The following ATG7 variants were observed in gnomAD, a reference collection of about 807,000 sequenced individuals.
The protein encoded by ATG7 is ubiquitin-like modifier-activating enzyme ATG7.
Under a neutral mutation model 82.4 loss-of-function variants are expected in ATG7, and 70 were observed. The ratio of observed to expected loss-of-function variants is 0.85; its 90% confidence interval spans 0.70 to 1.04. The LOEUF is 1.04. Among genes scored for constraint, ATG7 ranks in the 50% least tolerant of loss-of-function variants. ATG7 has a pLI of 0.00. For missense variants in ATG7, 792 were observed against 864.3 expected (o/e 0.92, Z 1.05); for synonymous variants, 287 against 313.0 (o/e 0.92, Z 0.88).
intron 5 of ATG7, among the ~76,000 whole-genome samples, chr3:11,302,872 A>T (rs565456732): frequency 6.6e-6 from 1 of 152,322 alleles, no homozygotes; most frequent in African/African-American, 2.4e-5. Context: ...GTATTAGATG[A>T]ATTGTCAGTC....
chr3:11,467,359 A>G (rs139815563), intron 20 of ATG7, among the ~76,000 whole-genome samples: 1 of 152,130 alleles, frequency 6.6e-6, no homozygotes, highest in Non-Finnish European at 1.5e-5. Flanking sequence ...ATAAAATATT[A>G]CCTCAACCGT....
intron 9 of ATG7, among the ~76,000 whole-genome samples, chr3:11,323,007 G>T (rs115345324): frequency 6.6e-6 from 1 of 152,322 alleles, no homozygotes; most frequent in African/African-American, 2.4e-5. Flanking sequence ...GCTGAGGCAG[G>T]AAGATTCCTT....
At chr3:11,350,497 G>A (rs907266982) in intron 14 of ATG7, among the ~76,000 whole-genome samples, 1 of 152,166 alleles carries the variant, frequency 6.6e-6, no homozygotes, top group Non-Finnish European at 1.5e-5. Flanking sequence ...TCCATTGTAT[G>A]TGTTATTTTC....
chr3:11,445,675 T>TA (rs1313482434), intron 20 of ATG7, among the ~76,000 whole-genome samples: 1 of 152,158 alleles, frequency 6.6e-6, no homozygotes, highest in Non-Finnish European at 1.5e-5. Flanking sequence ...CCCCTGAACT[T>TA]ACAAGTTTCA....
intron 8 of ATG7, 66 bp from the exon 9 acceptor site, chr3:11,315,278 T>G (rs1180230012): frequency 7.3e-7 from 1 of 1,368,838 alleles, no homozygotes; most frequent in East Asian, 2.5e-5. Flanking sequence ...TTTTTTTGAG[T>G]TAGTTTTTAG....
intron 19 of ATG7, among the ~76,000 whole-genome samples, chr3:11,421,041 C>T (rs2081900895): frequency 6.6e-6 from 1 of 152,106 alleles, no homozygotes; most frequent in Non-Finnish European, 1.5e-5. Flanking sequence ...AGGCGTGAGC[C>T]ACCACGCCTG....
At chr3:11,452,999 C>T (rs892064723) in intron 20 of ATG7, among the ~76,000 whole-genome samples, 3 of 152,186 alleles carry the variant, frequency 2.0e-5, no homozygotes, top group Admixed American at 6.5e-5. Context: ...TACTGCTGAC[C>T]TGAGCAATCT....
chr3:11,352,531 A>C (rs868244139), intron 14 of ATG7, among the ~76,000 whole-genome samples: 1 of 152,152 alleles, frequency 6.6e-6, no homozygotes, highest in Non-Finnish European at 1.5e-5. Context: ...CTGACTTTTT[A>C]ATGATCACCA....
chr3:11,432,882 C>G (rs1212106335), intron 20 of ATG7, among the ~76,000 whole-genome samples: 1 of 152,144 alleles, frequency 6.6e-6, no homozygotes, highest in Admixed American at 6.5e-5. Context: ...GACTCCCTAT[C>G]CCTCCTAGAT....
At chr3:11,499,636 A>G (rs781431250) in intron 20 of ATG7, among the ~76,000 whole-genome samples, 1 of 151,544 alleles carries the variant, frequency 6.6e-6, no homozygotes, top group African/African-American at 2.4e-5. Flanking sequence ...AGTCCCACCT[A>G]CTCGGGAGGC....
Position 11,318,586 on chromosome 3 carries a change from G to A in ATG7, c.678+3093G>A, listed in dbSNP as rs77622476. Among the ~76,000 whole-genome samples the A allele has an allele frequency of 2.9e-3, 435 of 152,214 alleles. 2 individuals are homozygous for A. Among genetic ancestry groups the A allele is most frequent in the African/African-American group, 0.01 (416 of 41,518 alleles). The stretch of plus-strand genomic sequence containing the variant: ...CTGCTGTCCAAGTGCATTTTCTAAC[G>A]TGTAAATTTGATCATGTAACTCTTC... On this transcript the variant is annotated intron_variant, in intron 9 of 20. Transcript: ENST00000693202.
intron 11 of ATG7, among the ~76,000 whole-genome samples, chr3:11,333,601 TGAGAGACATTTTATCTATA>T (rs923343393): frequency 6.6e-6 from 1 of 151,970 alleles, no homozygotes; most frequent in African/African-American, 2.4e-5. Flanking sequence ...AAACTTAGAC[TGAGAGACATTTTATCTATA>T]GAGAGATATA....
intron 4 of ATG7, 106 bp downstream of exon 4, chr3:11,298,961 C>T (rs990824466): frequency 2.5e-6 from 3 of 1,221,578 alleles, no homozygotes; most frequent in Admixed American, 4.7e-5. Context: ...CTTTTATAAT[C>T]AGTGCTCTTC....
At chr3:11,275,848 G>A (rs917854568) in intron 1 of ATG7, among the ~76,000 whole-genome samples, 17 of 152,120 alleles carry the variant, frequency 1.1e-4, no homozygotes, top group African/African-American at 3.9e-4. Flanking sequence ...TCACTTTTGG[G>A]ATTTCCTCAC....
intron 14 of ATG7, among the ~76,000 whole-genome samples, chr3:11,356,792 C>T (rs2075963689): frequency 1.3e-5 from 2 of 152,062 alleles, no homozygotes; most frequent in South Asian, 4.1e-4. Flanking sequence ...AGTAGGTGCA[C>T]AATACTTAAT....
At chr3:11,538,074 G>A (rs2070472807) in intron 20 of ATG7, among the ~76,000 whole-genome samples, 1 of 149,748 alleles carries the variant, frequency 6.7e-6, no homozygotes, top group Non-Finnish European at 1.5e-5. Context: ...AGCTGGCTAG[G>A]AGATATGTGG....
chr3:11,395,051 T>C (rs370602291), intron 19 of ATG7, among the ~76,000 whole-genome samples: 7 of 152,226 alleles, frequency 4.6e-5, no homozygotes, highest in African/African-American at 9.6e-5. Context: ...TTTAGTTGTA[T>C]TGGGGACTGG....
At chr3:11,385,143 C>T (rs2078221412) in intron 19 of ATG7, among the ~76,000 whole-genome samples, 1 of 152,184 alleles carries the variant, frequency 6.6e-6, no homozygotes, top group Admixed American at 6.5e-5. Flanking sequence ...GATTCTCCTG[C>T]CTCAGCCTCC....
At chr3:11,492,291 G>T (rs997025752) in intron 20 of ATG7, among the ~76,000 whole-genome samples, 3 of 152,146 alleles carry the variant, frequency 2.0e-5, no homozygotes, top group African/African-American at 7.2e-5. Flanking sequence ...TGCACTTCCC[G>T]AGTGAGGCAA....
Sources: gnomAD v4.1 joint callset for allele counts (sites outside exome capture counted in the v4.1 genomes callset) on GRCh38, gnomAD v4.1.1 for gene constraint, MANE v1.5 for transcripts, NCBI Gene and HGNC (gene_info 2026-07-23, HGNC 2026-07-21) for gene names.